The following PDSS2 variants were observed in gnomAD, a reference collection of about 807,000 sequenced individuals.
The protein encoded by PDSS2 is decaprenyl diphosphate synthase subunit 2, also known as all trans-polyprenyl-diphosphate synthase PDSS2.
PDSS2 carries 31 observed loss-of-function variants against 44.5 expected under a neutral mutation model. The observed-to-expected ratio is 0.70, with a 90% CI of 0.52 to 0.94. The LOEUF (loss-of-function observed/expected upper bound fraction) is 0.94. Among genes scored for constraint, PDSS2 ranks in the 40% least tolerant of loss-of-function variants. PDSS2 has a pLI of 0.00. For missense variants in PDSS2, 452 were observed against 482.2 expected (o/e 0.94, Z 0.59); for synonymous variants, 157 against 180.3 (o/e 0.87, Z 1.03).
intron 2 of PDSS2, among the ~76,000 whole-genome samples, chr6:107,326,960 A>G (rs898971667): frequency 6.6e-6 from 1 of 152,238 alleles, no homozygotes; most frequent in African/African-American, 2.4e-5. Context: ...AAGAAATGCC[A>G]ACGATGACTT....
intron 2 of PDSS2, among the ~76,000 whole-genome samples, chr6:107,323,802 T>C (rs957500458): frequency 5.9e-5 from 9 of 152,238 alleles, no homozygotes; most frequent in Admixed American, 1.3e-4. Flanking sequence ...CCAGTCAACA[T>C]ACAGCCCTTC....
At chr6:107,429,907 T>A (rs1253611320) in intron 1 of PDSS2, among the ~76,000 whole-genome samples, 3,015 of 15,980 alleles carry the variant, frequency 0.19, 405 homozygotes, top group African/African-American at 0.24. Flanking sequence ...AAAAAATATA[T>A]ATATATATAT....
intron 1 of PDSS2, among the ~76,000 whole-genome samples, chr6:107,419,273 C>T (rs1780755023): frequency 6.6e-6 from 1 of 152,194 alleles, no homozygotes; most frequent in Non-Finnish European, 1.5e-5. Context: ...AATGAAAACA[C>T]TCAGTGATAG....
chr6:107,295,035 G>A (rs113646158), intron 2 of PDSS2, among the ~76,000 whole-genome samples: 3,597 of 152,218 alleles, frequency 0.024, 60 homozygotes, highest in Non-Finnish European at 0.037. Context: ...GGGTTCAAGC[G>A]ATTCTCCTGC....
chr6:107,328,939 T>C (rs1178234000), intron 2 of PDSS2, among the ~76,000 whole-genome samples: 3 of 152,164 alleles, frequency 2.0e-5, no homozygotes, highest in Admixed American at 6.5e-5. Context: ...AAGGACCCAG[T>C]GGGTTCAGGT....
At chr6:107,379,258 T>C (rs964422373) in intron 1 of PDSS2, among the ~76,000 whole-genome samples, 1 of 152,262 alleles carries the variant, frequency 6.6e-6, no homozygotes, top group Non-Finnish European at 1.5e-5. Context: ...TTATTGCATT[T>C]TGATCAGGTC....
At chr6:107,419,808 T>C (rs892189269) in intron 1 of PDSS2, among the ~76,000 whole-genome samples, 1 of 152,222 alleles carries the variant, frequency 6.6e-6, no homozygotes, top group African/African-American at 2.4e-5. Context: ...TTGGTTAACT[T>C]AGCATCACCT....
intron 1 of PDSS2, among the ~76,000 whole-genome samples, chr6:107,457,259 C>T (rs2114889647): frequency 6.6e-6 from 1 of 152,244 alleles, no homozygotes; most frequent in Admixed American, 6.5e-5. Context: ...TTTATCTTAA[C>T]TGTATCAACA....
chr6:107,330,625 A>G (rs2430459), intron 2 of PDSS2, among the ~76,000 whole-genome samples: 86,648 of 152,072 alleles, frequency 0.57, 25,428 homozygotes, highest in Middle Eastern at 0.72. Flanking sequence ...GTAATAAACT[A>G]TCTTTTGTAC....
At chr6:107,347,548 C>A (rs1386588473) in intron 1 of PDSS2, among the ~76,000 whole-genome samples, 1 of 152,064 alleles carries the variant, frequency 6.6e-6, no homozygotes, top group African/African-American at 2.4e-5. Flanking sequence ...CAGGCGTGAG[C>A]CACTGCACCT....
At chr6:107,300,429 A>G (rs544648033) in intron 2 of PDSS2, among the ~76,000 whole-genome samples, 1 of 152,284 alleles carries the variant, frequency 6.6e-6, no homozygotes, top group African/African-American at 2.4e-5. Flanking sequence ...GAGAGACAGG[A>G]CAAGCTGGAT....
intron 2 of PDSS2, among the ~76,000 whole-genome samples, chr6:107,288,753 G>GT (rs35762837): frequency 0.098 from 7,103 of 72,688 alleles, 1,005 homozygotes; most frequent in African/African-American, 0.25. Context: ...GGACGAAATT[G>GT]TTTTTTTTTT....
chr6:107,439,804 T>G (rs1022687893), intron 1 of PDSS2, among the ~76,000 whole-genome samples: 1 of 152,104 alleles, frequency 6.6e-6, no homozygotes, highest in Non-Finnish European at 1.5e-5. Flanking sequence ...AGGAGCATAT[T>G]TGGATGACTA....
intron 7 of PDSS2, among the ~76,000 whole-genome samples, chr6:107,175,666 CAT>C (rs1771762426): frequency 6.6e-6 from 1 of 152,102 alleles, no homozygotes; most frequent in Non-Finnish European, 1.5e-5. Context: ...TACTGCAACA[CAT>C]ATATATTTTC....
chr6:107,441,177 C>T (rs1243291198), intron 1 of PDSS2, among the ~76,000 whole-genome samples: 1 of 152,160 alleles, frequency 6.6e-6, no homozygotes, highest in African/African-American at 2.4e-5. Context: ...TACATCAGCA[C>T]TCAAAGCAGC....
At position 107,309,836 on chromosome 6, in the gene PDSS2, T is replaced by C. The variant is rs557794551; in HGVS notation, c.431+24362A>G. Among the ~76,000 whole-genome samples, 11 of 152,344 alleles carry C rather than the reference T, an allele frequency of 7.2e-5. No individual in the cohort carries two copies. In the South Asian group the frequency reaches 1.7e-3, roughly 23 times the overall value. Reference sequence around the variant, plus strand: ...ATTATGAATTACAAACATTTCTTCATATAATATTTTACTTAAGTCCTAAAG... The same window carrying C: ...ATTATGAATTACAAACATTTCTTCACATAATATTTTACTTAAGTCCTAAAG... On this transcript the variant is annotated intron_variant, in intron 2 of 7. Transcript: ENST00000369037.
intron 1 of PDSS2, among the ~76,000 whole-genome samples, chr6:107,408,007 A>G (rs568720331): frequency 6.6e-6 from 1 of 151,674 alleles, no homozygotes; most frequent in Non-Finnish European, 1.5e-5. Flanking sequence ...CCAGTCTTTC[A>G]TTTATTTATT....
At chr6:107,235,712 A>G (rs1774200772) in intron 4 of PDSS2, among the ~76,000 whole-genome samples, 1 of 152,220 alleles carries the variant, frequency 6.6e-6, no homozygotes, top group Admixed American at 6.5e-5. Context: ...TGAGGGAGAA[A>G]AAAATCAGTC....
At chr6:107,218,119 C>T (rs1773475725) in intron 4 of PDSS2, among the ~76,000 whole-genome samples, 1 of 152,198 alleles carries the variant, frequency 6.6e-6, no homozygotes, top group African/African-American at 2.4e-5. Flanking sequence ...TTCAGACATA[C>T]TAAAGACCAT....
Sources: allele counts gnomAD v4.1 joint callset (sites outside exome capture counted in the v4.1 genomes callset), GRCh38; gene constraint gnomAD v4.1.1; transcripts MANE v1.5; gene names NCBI Gene and HGNC (gene_info 2026-07-23, HGNC 2026-07-21).